The following STXBP4 variants were observed in gnomAD, a reference collection of about 807,000 sequenced individuals.
STXBP4 encodes syntaxin binding protein 4.
STXBP4 carries 55 observed loss-of-function variants against 76.1 expected under a neutral mutation model. The observed-to-expected ratio is 0.72, with a 90% CI of 0.58 to 0.91. The LOEUF (loss-of-function observed/expected upper bound fraction) is 0.91, where lower values mean the gene tolerates loss of function less well. STXBP4 is among the 40% of genes least tolerant of loss of function. The pLI is 0.00. For missense variants in STXBP4, 618 were observed against 636.9 expected, an observed-to-expected ratio of 0.97 and a Z score of 0.32; for synonymous variants, 201 against 220.2, an observed-to-expected ratio of 0.91 and a Z score of 0.77.
intron 13 of STXBP4, among the ~76,000 whole-genome samples, chr17:55,077,472 C>G (rs2079197183): frequency 6.6e-6 from 1 of 152,178 alleles, no homozygotes; most frequent in Admixed American, 6.6e-5. Context: ...CTGTTTACCT[C>G]TGTGAAGTTT....
chr17:55,115,704 T>C (rs535837939), intron 16 of STXBP4, among the ~76,000 whole-genome samples: 1 of 151,972 alleles, frequency 6.6e-6, no homozygotes, highest in Admixed American at 6.6e-5. Context: ...CCAATCACAG[T>C]TTAAAGTAAT....
intron 16 of STXBP4, among the ~76,000 whole-genome samples, chr17:55,111,970 C>T (rs762796012): frequency 2.0e-5 from 3 of 152,112 alleles, no homozygotes; most frequent in Non-Finnish European, 4.4e-5. Flanking sequence ...GGCTGCAGTG[C>T]AATAGCACAG....
chr17:55,035,492 A>G (rs891458676), intron 10 of STXBP4, among the ~76,000 whole-genome samples: 2 of 151,904 alleles, frequency 1.3e-5, no homozygotes, highest in Non-Finnish European at 2.9e-5. Context: ...ACATAATTGT[A>G]TGCTTGCGAA....
At chr17:55,015,540 A>C (rs577053144) in intron 8 of STXBP4, among the ~76,000 whole-genome samples, 45 of 152,230 alleles carry the variant, frequency 3.0e-4, no homozygotes, top group Non-Finnish European at 4.4e-4. Flanking sequence ...CAGTATAGCC[A>C]TCAGGGTTAT....
chr17:55,026,597 CAGTGT>C (rs1181278561), intron 8 of STXBP4, among the ~76,000 whole-genome samples: 1 of 152,188 alleles, frequency 6.6e-6, no homozygotes, highest in African/African-American at 2.4e-5. Context: ...GGGAACCTGG[CAGTGT>C]AGCTCACAGG....
intron 17 of STXBP4, 94 bp from the exon 18 acceptor site, chr17:55,159,703 C>A: frequency 1.4e-6 from 1 of 730,774 alleles, no homozygotes; most frequent in Non-Finnish European, 2.3e-6. Context: ...AGGGACTTTA[C>A]TAGGGTAGAA....
At chr17:55,133,071 A>G (rs1472573357) in intron 16 of STXBP4, among the ~76,000 whole-genome samples, 2 of 152,128 alleles carry the variant, frequency 1.3e-5, no homozygotes, top group African/African-American at 2.4e-5. Context: ...TGTTTTTTTA[A>G]TGATGCTGCC....
At chr17:55,083,683 A>T (rs1263106108) in intron 16 of STXBP4, among the ~76,000 whole-genome samples, 2 of 152,154 alleles carry the variant, frequency 1.3e-5, no homozygotes, top group African/African-American at 4.8e-5. Flanking sequence ...ATGGGAGCTC[A>T]TCTGTGGCTA....
rs760494443 is a variant in STXBP4, at chr17:54,999,688, C to G, written c.344C>G (p.Pro115Arg). 1.4e-5 allele frequency: 23 copies of G among 1,613,576 alleles called. No individual in the cohort carries two copies. Among genetic ancestry groups the G allele is most frequent in the Non-Finnish European group, 1.9e-5 (23 of 1,179,826 alleles). The change falls in exon 6 of 18, where the codon CCA (proline) becomes CGA (arginine). Residue 115 changes from proline to arginine, a missense_variant. By Grantham distance (103) the Pro-to-Arg change is moderately radical (BLOSUM62 -2). Coordinates refer to ENST00000376352, the MANE Select transcript of STXBP4 (RefSeq NM_178509.6). Reference sequence around the variant, plus strand: ...AGACAAAAATCCGACAACATTCAGCCAGAAAATCTGTCATGTACATCACTT... The same window carrying G: ...AGACAAAAATCCGACAACATTCAGCGAGAAAATCTGTCATGTACATCACTT... ...FIRQKSDNIQPENLSCTSLIE... is the reference protein window; with the variant it reads ...FIRQKSDNIQRENLSCTSLIE...
chr17:54,999,326 A>T lies in STXBP4; in HGVS notation c.181-19A>T. The T allele has an allele frequency of 1.9e-6, 3 of 1,581,548 alleles. No homozygotes were observed. The highest frequency in any genetic ancestry group is 1.1e-5 in the South Asian group (1 of 87,096). On this transcript the variant is annotated intron_variant, in intron 4 of 17. Transcript: ENST00000376352. ...AAATACCTCATTAGTTCCTTTATAA[A>T]TGTTACTGTTTTTGTTAGGATGGTC...
In STXBP4 at chr17:55,000,903, C is replaced by A. The variant is rs565165473; in HGVS notation, c.574+20C>A. 8.9e-6 allele frequency: 13 copies of A among 1,468,870 alleles called. 1 individual carries two copies. The highest frequency in any genetic ancestry group is 8.7e-5 in the Admixed American group (5 of 57,260). 91.0% of individuals were successfully genotyped at this position (1,468,870 alleles called of 1,614,324 possible). A position where few individuals can be genotyped will look rare whatever the true frequency, so the allele number is the denominator to read the frequency against. On this transcript the variant is annotated intron_variant, in intron 7 of 17. Coordinates refer to ENST00000376352, the MANE Select transcript of STXBP4 (RefSeq NM_178509.6). The stretch of plus-strand genomic sequence containing the variant: ...ATACAGGTAAATACACATTTAATTT[C>A]TATTTCCTGTTTTTTATTTCAATTC...
At position 55,172,293 on chromosome 17, in the gene STXBP4, A is replaced by T. The variant is rs1362132974; in HGVS notation, c.*12382A>T. 1 of 152,148 alleles carries T rather than the reference A, an allele frequency of 6.6e-6. No individual in the cohort carries two copies. Among genetic ancestry groups the T allele is most frequent in the Non-Finnish European group, 1.5e-5 (1 of 68,054 alleles). 9.4% of individuals were successfully genotyped at this position (152,148 alleles called of 1,614,324 possible). On this transcript the variant is annotated 3_prime_UTR_variant, in exon 18 of 18. Coordinates refer to ENST00000376352, the MANE Select transcript of STXBP4 (RefSeq NM_178509.6). Reference sequence around the variant, plus strand: ...TTTACAAAGCCTAGCCAAACCCCAGACCCATTAACCCTGACTCTCTGAGAA... The same window carrying T: ...TTTACAAAGCCTAGCCAAACCCCAGTCCCATTAACCCTGACTCTCTGAGAA...
At chr17:55,131,022 T>C (rs2079968066) in intron 16 of STXBP4, among the ~76,000 whole-genome samples, 1 of 152,244 alleles carries the variant, frequency 6.6e-6, no homozygotes, top group Non-Finnish European at 1.5e-5. Flanking sequence ...TCAATTTCTT[T>C]GGGTATATAC....
At position 55,161,130 on chromosome 17, in the gene STXBP4, A is replaced by T. The variant is rs769372329; in HGVS notation, c.*1219A>T. On this transcript the variant is annotated 3_prime_UTR_variant, in exon 18 of 18. Transcript: ENST00000376352. ...AGTAAACTGAGATCTTAAGTCTCCT[A>T]GTCTACTGAATTTCATATGGTGTAT... 3.9e-5 allele frequency: 6 copies of T among 152,228 alleles called. No homozygotes were observed. Among genetic ancestry groups the T allele is most frequent in the African/African-American group, 7.2e-5 (3 of 41,466 alleles). The allele number at this position is 152,228 out of a possible 1,614,324, so 9.4% of individuals were successfully genotyped here. A position where few individuals can be genotyped will look rare whatever the true frequency, so the allele number is the denominator to read the frequency against.
the STXBP4 span, among the ~76,000 whole-genome samples, chr17:55,180,894 T>C: frequency 2.0e-5 from 3 of 152,224 alleles, no homozygotes; most frequent in Non-Finnish European, 4.4e-5. Flanking sequence ...GTATGGCCTA[T>C]AGAAGTCAAA....
the STXBP4 span, among the ~76,000 whole-genome samples, chr17:55,204,813 AACACAC>A: frequency 5.5e-5 from 4 of 73,138 alleles, no homozygotes; most frequent in Non-Finnish European, 7.5e-5. Context: ...TTCAAGATTA[AACACAC>A]ACACACACAC....
rs2080349448 is a variant in STXBP4, at chr17:55,162,928, T to C, written c.*3017T>C. ...AGCAATTTATTGAACACTAAAATGT[T>C]TTAAGTTTTCTTATTGCTAACAATG... On this transcript the variant is annotated 3_prime_UTR_variant, in exon 18 of 18. Coordinates refer to ENST00000376352, the MANE Select transcript of STXBP4 (RefSeq NM_178509.6). 6.6e-6 allele frequency: 1 copy of C among 152,232 alleles called. No homozygotes were observed. The highest frequency in any genetic ancestry group is 2.4e-5 in the African/African-American group (1 of 41,462). 9.4% of individuals were successfully genotyped at this position (152,232 alleles called of 1,614,324 possible). A position where few individuals can be genotyped will look rare whatever the true frequency, so the allele number is the denominator to read the frequency against.
At chr17:55,026,875 G>A (rs1264509115) in intron 8 of STXBP4, among the ~76,000 whole-genome samples, 1 of 152,142 alleles carries the variant, frequency 6.6e-6, no homozygotes, top group Non-Finnish European at 1.5e-5. Flanking sequence ...GCGGCCTCAG[G>A]CAGAGGAGCT....
the STXBP4 span, among the ~76,000 whole-genome samples, chr17:55,193,760 T>C: frequency 7.0e-4 from 104 of 147,606 alleles, no homozygotes; most frequent in African/African-American, 2.6e-3. Context: ...CTCCATCATT[T>C]ACTTCCTGGG....
Sources: gnomAD v4.1 joint callset for allele counts (sites outside exome capture counted in the v4.1 genomes callset) on GRCh38, gnomAD v4.1.1 for gene constraint, MANE v1.5 for transcripts, NCBI Gene and HGNC (gene_info 2026-07-23, HGNC 2026-07-21) for gene names.